Variants in PTPRK observed in about 807,000 individuals in gnomAD.
PTPRK encodes receptor-type tyrosine-protein phosphatase kappa.
Under a neutral mutation model 178.0 loss-of-function variants are expected in PTPRK, and 75 were observed. The ratio of observed to expected loss-of-function variants is 0.42; its 90% CI spans 0.35 to 0.51. The LOEUF (loss-of-function observed/expected upper bound fraction) is 0.51, where lower values mean the gene tolerates loss of function less well. PTPRK is among the 20% of genes least tolerant of loss of function. The pLI, the probability that PTPRK is intolerant of heterozygous loss-of-function variation, is 0.02. For missense variants in PTPRK, 1,441 were observed against 1,797.8 expected (o/e 0.80, Z 3.59); for synonymous variants, 637 against 620.6 (o/e 1.03, Z -0.39).
In PTPRK at chr6:127,985,889, G is replaced by A. The variant is rs373354811; in HGVS notation, c.3097-14C>T. On this transcript the variant is annotated splice_polypyrimidine_tract_variant and intron_variant, in intron 21 of 29. Transcript: ENST00000368226. ...ATTGTACCCCCTCTGTGCAAAGATG[G>A]AAAGAAATGTTTTCAAAAGCCATTT... 1 of 1,590,334 alleles carries A rather than the reference G, an allele frequency of 6.3e-7. No homozygotes were observed. The highest frequency in any genetic ancestry group is 8.6e-7 in the Non-Finnish European group (1 of 1,161,624).
chr6:128,122,660 T>C (rs2114405944), intron 7 of PTPRK, among the ~76,000 whole-genome samples: 1 of 152,300 alleles, frequency 6.6e-6, no homozygotes, highest in South Asian at 2.1e-4. Flanking sequence ...CTGTATGACT[T>C]TAGGCAAGTT....
intron 1 of PTPRK, among the ~76,000 whole-genome samples, chr6:128,499,712 GAC>G (rs1855269049): frequency 6.6e-6 from 1 of 152,162 alleles, no homozygotes; most frequent in South Asian, 2.1e-4. Context: ...TTTGCATTGT[GAC>G]TCAGTACACA....
intron 1 of PTPRK, among the ~76,000 whole-genome samples, chr6:128,464,666 T>TATATAC (rs1562577272): frequency 7.8e-6 from 1 of 127,892 alleles, no homozygotes; most frequent in African/African-American, 3.0e-5. Flanking sequence ...TATATATATA[T>TATATAC]ATATATATAC....
chr6:128,047,884 C>T (rs1269897890), intron 13 of PTPRK, among the ~76,000 whole-genome samples: 3 of 151,674 alleles, frequency 2.0e-5, no homozygotes, highest in African/African-American at 7.3e-5. Flanking sequence ...GGAAGTCCAG[C>T]AATGGATATC....
chr6:127,995,548 T>TA lies in PTPRK; in HGVS notation c.2768-11dup. 6.6e-7 allele frequency: 1 copy of TA among 1,518,256 alleles called. No homozygotes were observed. Among genetic ancestry groups the TA allele is most frequent in the Non-Finnish European group, 9.0e-7 (1 of 1,115,644 alleles). The allele number at this position is 1,518,256 out of a possible 1,614,324, so 94.0% of individuals were successfully genotyped here. A position where few individuals can be genotyped will look rare whatever the true frequency, so the allele number is the denominator to read the frequency against. On this transcript the variant is annotated splice_polypyrimidine_tract_variant and intron_variant, in intron 17 of 29. Transcript: ENST00000368226. ...ACTCTGGAGTGATCATCTAAAATTT[T>TA]AAAATAATAAATATAAGCTGTTAAA...
At chr6:128,064,728 T>G in intron 13 of PTPRK, 30 bp downstream of exon 13, 1 of 1,578,996 alleles carries the variant, frequency 6.3e-7, no homozygotes, top group African/African-American at 1.4e-5. Flanking sequence ...TGAGAGTAGT[T>G]AAAACAAGCA....
At chr6:128,497,287 A>C (rs1854819366) in intron 1 of PTPRK, among the ~76,000 whole-genome samples, 1 of 152,206 alleles carries the variant, frequency 6.6e-6, no homozygotes, top group Non-Finnish European at 1.5e-5. Flanking sequence ...TATTTAATTT[A>C]ATTATGCCTG....
At chr6:127,999,008 T>C (rs1777494614) in intron 15 of PTPRK, 104 bp from the exon 16 acceptor site, 2 of 979,904 alleles carry the variant, frequency 2.0e-6, no homozygotes, top group Non-Finnish European at 2.9e-6. Flanking sequence ...ATCTTTCTGA[T>C]AACAAGAGGA....
intron 7 of PTPRK, among the ~76,000 whole-genome samples, chr6:128,105,246 G>A (rs1789513984): frequency 1.3e-5 from 2 of 151,624 alleles, no homozygotes; most frequent in Non-Finnish European, 1.5e-5. Flanking sequence ...CCATTCTGCT[G>A]CCTCAGCCTC....
intron 7 of PTPRK, among the ~76,000 whole-genome samples, chr6:128,160,439 G>A (rs1157909648): frequency 6.6e-6 from 1 of 151,666 alleles, no homozygotes; most frequent in Non-Finnish European, 1.5e-5. Context: ...GAGAAAAGAG[G>A]ACTATAAGAT....
chr6:128,390,359 C>T (rs978117489), intron 2 of PTPRK, among the ~76,000 whole-genome samples: 4 of 152,056 alleles, frequency 2.6e-5, no homozygotes, highest in African/African-American at 7.2e-5. Context: ...AGCGTCTCCC[C>T]AAGGGATGAG....
chr6:128,095,975 C>T (rs973673148), intron 7 of PTPRK, among the ~76,000 whole-genome samples: 37 of 152,272 alleles, frequency 2.4e-4, no homozygotes, highest in African/African-American at 8.7e-4. Context: ...TGTTGATCAG[C>T]AAGTTTTACT....
chr6:127,974,513 T>C lies in PTPRK; in HGVS notation c.3970-686A>G, dbSNP rs184817373. Among the ~76,000 whole-genome samples, 134 of 152,348 alleles carry C rather than the reference T, an allele frequency of 8.8e-4. 1 individual carries two copies. The highest frequency in any genetic ancestry group is 3.1e-3 in the African/African-American group (130 of 41,594). On this transcript the variant is annotated intron_variant, in intron 27 of 29. Transcript: ENST00000368226. Reference sequence around the variant, plus strand: ...AACTTGTCCCAGGTTGGCCTGGGACTTCTCTGGTCTTAGCACTGAAGGCTG... The same window carrying C: ...AACTTGTCCCAGGTTGGCCTGGGACCTCTCTGGTCTTAGCACTGAAGGCTG...
intron 7 of PTPRK, among the ~76,000 whole-genome samples, chr6:128,167,258 C>G (rs964419277): frequency 2.0e-5 from 3 of 151,734 alleles, no homozygotes; most frequent in African/African-American, 7.2e-5. Context: ...ATTAACACAG[C>G]GTTTGCTGGC....
intron 15 of PTPRK, chr6:128,000,192 G>T (rs1479151723): frequency 2.0e-6 from 2 of 1,017,752 alleles, no homozygotes; most frequent in Non-Finnish European, 2.4e-6. Context: ...TAATGATAAT[G>T]CATACTGTAG....
At chr6:128,027,178 G>T (rs1215537460) in intron 13 of PTPRK, among the ~76,000 whole-genome samples, 1 of 152,104 alleles carries the variant, frequency 6.6e-6, no homozygotes, top group Non-Finnish European at 1.5e-5. Flanking sequence ...TATGATCAAA[G>T]TATTTTGAAG....
chr6:128,440,198 C>A (rs1846105110), intron 1 of PTPRK, among the ~76,000 whole-genome samples: 1 of 152,154 alleles, frequency 6.6e-6, no homozygotes, highest in Admixed American at 6.6e-5. Flanking sequence ...TACCCAGAGA[C>A]AACTGTGGTA....
chr6:128,156,710 A>G (rs1266112829), intron 7 of PTPRK, among the ~76,000 whole-genome samples: 1 of 152,000 alleles, frequency 6.6e-6, no homozygotes, highest in African/African-American at 2.4e-5. Context: ...TGAGAGGAAT[A>G]TACAATCGTT....
intron 15 of PTPRK, among the ~76,000 whole-genome samples, chr6:128,002,347 T>C (rs1424934050): frequency 1.3e-5 from 2 of 151,818 alleles, no homozygotes; most frequent in African/African-American, 2.4e-5. Context: ...AAGATATATT[T>C]ATTTGATAGT....
Sources: gnomAD v4.1 joint callset for allele counts (sites outside exome capture counted in the v4.1 genomes callset) on GRCh38, gnomAD v4.1.1 for gene constraint, MANE v1.5 for transcripts, NCBI Gene and HGNC (gene_info 2026-07-23, HGNC 2026-07-21) for gene names.